The following EP400 variants were observed in gnomAD, a reference collection of about 807,000 sequenced individuals.
EP400 encodes E1A-binding protein p400.
In EP400, 105 loss-of-function variants were observed where a neutral mutation model predicts 354.1. The observed-to-expected ratio is 0.30, with a 90% CI of 0.25 to 0.35. EP400 has a LOEUF of 0.35. Ranked by LOEUF, EP400 falls within the 10% of genes least tolerant of loss-of-function variation. The probability of loss-of-function intolerance (pLI) is 1.00; values close to 1 mark genes in which losing one functional copy is unlikely to be tolerated. For synonymous variants in EP400, 1,646 were observed against 1,716.9 expected (o/e 0.96, Z 1.02); for missense variants, 3,280 against 4,121.0 (o/e 0.80, Z 5.59).
chr12:132,069,485 C>T lies in EP400; in HGVS notation c.8875-10C>T. The T allele has an allele frequency of 1.2e-6, 2 of 1,613,396 alleles. No homozygotes were observed. The highest frequency in any genetic ancestry group is 1.7e-6 in the Non-Finnish European group (2 of 1,179,456). ...GTCTCTGCGGCCCTAATTTCGCAGTCTCTCCCCAGATCACCGCACAGCAGA... is the reference window on the plus strand; with the variant it reads ...GTCTCTGCGGCCCTAATTTCGCAGTTTCTCCCCAGATCACCGCACAGCAGA... On this transcript the variant is annotated splice_polypyrimidine_tract_variant and intron_variant, in intron 50 of 52. Transcript: ENST00000389561.
intron 22 of EP400, among the ~76,000 whole-genome samples, chr12:132,020,507 G>C (rs565462836): frequency 6.6e-6 from 1 of 152,208 alleles, no homozygotes; most frequent in African/African-American, 2.4e-5. Context: ...AGGTGCGTGC[G>C]TGCAGTCGTC....
chr12:132,026,486 G>C (rs1894308268), intron 25 of EP400, among the ~76,000 whole-genome samples: 1 of 152,210 alleles, frequency 6.6e-6, no homozygotes, highest in African/African-American at 2.4e-5. Flanking sequence ...TGCAAGGCTG[G>C]AGTGGGGAGG....
chr12:131,957,161 A>G (rs976360585), intron 1 of EP400, among the ~76,000 whole-genome samples: 1 of 152,036 alleles, frequency 6.6e-6, no homozygotes, highest in Non-Finnish European at 1.5e-5. Context: ...ATGAGCCACT[A>G]TGCCCAGCCT....
chr12:131,962,505 A>T (rs1280917847), intron 2 of EP400, among the ~76,000 whole-genome samples: 1 of 152,260 alleles, frequency 6.6e-6, no homozygotes, highest in African/African-American at 2.4e-5. Flanking sequence ...GACCTTCATC[A>T]TTAAAATAGT....
chr12:132,053,396 G>A lies in EP400; in HGVS notation c.7527G>A (p.Pro2509=), dbSNP rs749284192. ...AQQPAVAQPP[P]PQPQPPPPPQ... is the part of the protein sequence containing the mutation. ...AGCCGGCCGTGGCCCAGCCACCCCC[G>A]CCCCAGCCGCAGCCCCCACCACCCC... Residue 2509 remains proline (P), a synonymous_variant, in exon 43 of 53, where the codon CCG becomes CCA. Coordinates refer to ENST00000389561, the MANE Select transcript of EP400 (RefSeq NM_015409.5). 2.5e-5 allele frequency: 14 copies of A among 568,764 alleles called. No homozygotes were observed. The highest frequency in any genetic ancestry group is 5.3e-5 in the East Asian group (1 of 18,998). The allele number at this position is 568,764 out of a possible 1,614,324, so 35.2% of individuals were successfully genotyped here.
Position 131,960,675 on chromosome 12 carries a change from C to A in EP400, c.56C>A (p.Ala19Asp). 1 of 1,585,236 alleles carries A rather than the reference C, an allele frequency of 6.3e-7. No individual in the cohort carries two copies. Among genetic ancestry groups the A allele is most frequent in the Non-Finnish European group, 8.6e-7 (1 of 1,167,082 alleles). Residue 19 changes from alanine (A) to aspartate (D), a missense_variant, in exon 2 of 53, where the codon GCC becomes GAC. Around this residue, in one of 20 missense-constraint regions of EP400, gnomAD observed 172 missense variants for 242.9 expected, o/e 0.71. Coordinates refer to ENST00000389561, the MANE Select transcript of EP400 (RefSeq NM_015409.5). ...NVQHQLQRSR[A>D]CPGSEGEEQP... Reference sequence around the variant, plus strand: ...CAGCATCAGCTGCAGAGGTCCAGGGCCTGCCCTGGCAGCGAGGGTGAGGAG... The same window carrying A: ...CAGCATCAGCTGCAGAGGTCCAGGGACTGCCCTGGCAGCGAGGGTGAGGAG...
rs1281334888 is a variant in EP400, at chr12:132,025,798, C to T, written c.5008C>T (p.Pro1670Ser). The change falls in exon 25 of 53, where the codon CCA (proline) becomes TCA (serine). Residue 1670 changes from proline to serine, a missense_variant. Around this residue, in one of 20 missense-constraint regions of EP400, gnomAD observed 459 missense variants for 496.9 expected, o/e 0.92. Transcript: ENST00000389561. The surrounding 1 kb of genome is among the most constrained non-coding windows in gnomAD (Gnocchi z 4.1). ...AGGPSPAPLTPQVGVPGRVAV... is the reference protein window; with the variant it reads ...AGGPSPAPLTSQVGVPGRVAV... The stretch of plus-strand genomic sequence containing the variant: ...CGGTCCCAGCCCTGCACCCTTGACC[C>T]CACAAGGTAGGGTGCTCTGAGCAGG... The T allele has an allele frequency of 1.2e-6, 2 of 1,600,132 alleles. No homozygotes were observed. The highest frequency in any genetic ancestry group is 1.1e-5 in the South Asian group (1 of 89,312).
chr12:131,975,392 T>G (rs1282946131), intron 2 of EP400, among the ~76,000 whole-genome samples: 1 of 152,182 alleles, frequency 6.6e-6, no homozygotes, highest in Admixed American at 6.5e-5. Flanking sequence ...TGGGTCTGAT[T>G]CTTGGTGCGC....
rs752037161 is a variant in EP400, at chr12:132,028,052, T to C, written c.5145T>C (p.Asp1715=). The change falls in exon 27 of 53, where the codon GAT becomes GAC. Residue 1715 remains aspartate, a synonymous_variant. Transcript: ENST00000389561. ...EKTRLLKERL[D]QIYLVNERRC... ...CCAGACTCTTGAAAGAGCGCCTGGA[T>C]CAGATTTATTTAGTCAACGAGCGGC... 2 of 1,614,094 alleles carry C rather than the reference T, an allele frequency of 1.2e-6. No individual in the cohort carries two copies. Among genetic ancestry groups the C allele is most frequent in the Non-Finnish European group, 1.7e-6 (2 of 1,179,964 alleles).
chr12:131,974,191 A>G (rs538020605), intron 2 of EP400, among the ~76,000 whole-genome samples: 15 of 152,074 alleles, frequency 9.9e-5, no homozygotes, highest in African/African-American at 3.1e-4. Flanking sequence ...GTTGGCCAGC[A>G]TGGTCTCGAA....
rs769627524 is a variant in EP400, at chr12:132,027,967, C to G, written c.5110-50C>G. 2 of 1,589,024 alleles carry G rather than the reference C, an allele frequency of 1.3e-6. No homozygotes were observed. The highest frequency in any genetic ancestry group is 3.4e-5 in the Admixed American group (2 of 58,830). Reference sequence around the variant, plus strand: ...GGTGGGGGGTTGGTGAAGACAGGAACTTGTCATTCTGTTTCTCAAGTAACT... The same window carrying G: ...GGTGGGGGGTTGGTGAAGACAGGAAGTTGTCATTCTGTTTCTCAAGTAACT... On this transcript the variant is annotated intron_variant, in intron 26 of 52. Coordinates refer to ENST00000389561, the MANE Select transcript of EP400 (RefSeq NM_015409.5). The surrounding 1 kb of genome is among the most constrained non-coding windows in gnomAD (Gnocchi z 4.9).
At chr12:131,953,516 A>G (rs1891591249) in intron 1 of EP400, among the ~76,000 whole-genome samples, 1 of 152,238 alleles carries the variant, frequency 6.6e-6, no homozygotes, top group Admixed American at 6.5e-5. Context: ...CTGTTGATCC[A>G]CCATTACAGC....
intron 51 of EP400, 200 bp from the exon 52 acceptor site, chr12:132,076,316 G>C: frequency 1.5e-6 from 1 of 682,478 alleles, no homozygotes; most frequent in Non-Finnish European, 2.7e-6. Flanking sequence ...GCAAATTGGG[G>C]AGGCAGTCAG....
At position 131,994,467 on chromosome 12, in the gene EP400, G is replaced by A. The variant is rs755195835; in HGVS notation, c.2738-400G>A. The stretch of plus-strand genomic sequence containing the variant: ...GGAGTGGGCTTGGGTTGGTGATTGT[G>A]GAGGACAGGAGAGTCAAGGAGAGTG... On this transcript the variant is annotated intron_variant, in intron 11 of 52. Transcript: ENST00000389561. The surrounding 1 kb of genome is among the most constrained non-coding windows in gnomAD (Gnocchi z 4.6). Among the ~76,000 whole-genome samples, 1 of 152,110 alleles carries A rather than the reference G, an allele frequency of 6.6e-6. No homozygotes were observed. The highest frequency in any genetic ancestry group is 1.5e-5 in the Non-Finnish European group (1 of 68,010).
intron 2 of EP400, among the ~76,000 whole-genome samples, chr12:131,973,478 C>A (rs765702414): frequency 6.6e-6 from 1 of 152,138 alleles, no homozygotes; most frequent in South Asian, 2.1e-4. Context: ...CCCATCTCTA[C>A]CAAAAATACC....
In EP400 at chr12:131,994,108, AGGCAGCACCTGGAG is replaced by A. The variant is rs1249744933; in HGVS notation, c.2738-757_2738-744del. Among the ~76,000 whole-genome samples, 1 of 151,996 alleles carries A rather than the reference AGGCAGCACCTGGAG, an allele frequency of 6.6e-6. No homozygotes were observed. Among genetic ancestry groups the A allele is most frequent in the Non-Finnish European group, 1.5e-5 (1 of 68,012 alleles). ...CCAGGGTGTCGAGTACAGTCAGGAA[AGGCAGCACCTGGAG>A]GCCCAGCGACTTGTGTGGTTGGGGT... is the stretch of plus-strand genomic sequence containing the variant. On this transcript the variant is annotated intron_variant, in intron 11 of 52. Transcript: ENST00000389561. This position sits in a 1 kb window ranked among gnomAD's most constrained non-coding sequence, Gnocchi z 4.6.
In EP400 at chr12:132,029,848, C is replaced by G. The variant is rs756670852; in HGVS notation, c.5529C>G (p.Thr1843=). Reference sequence around the variant, plus strand: ...CGTACTTCCAGCAGCTGCGGCAGACCACGGCTCCACGCCTGCTGCAGTTCC... The same window carrying G: ...CGTACTTCCAGCAGCTGCGGCAGACGACGGCTCCACGCCTGCTGCAGTTCC... ...AAPYFQQLRQ[T]TAPRLLQFPE... The change falls in exon 28 of 53, where the codon ACC becomes ACG. Residue 1843 remains threonine, a synonymous_variant. Transcript: ENST00000389561. The surrounding 1 kb of genome is among the most constrained non-coding windows in gnomAD (Gnocchi z 4.7). 6.2e-7 allele frequency: 1 copy of G among 1,612,838 alleles called. No individual in the cohort carries two copies. Among genetic ancestry groups the G allele is most frequent in the East Asian group, 2.2e-5 (1 of 44,878 alleles).
In EP400 at chr12:132,067,626, G is replaced by T; in HGVS notation, c.8874+140G>T. The T allele has an allele frequency of 3.3e-6, 4 of 1,213,432 alleles. No individual in the cohort carries two copies. 75.2% of individuals were successfully genotyped at this position (1,213,432 alleles called of 1,614,324 possible). ...GTGGCTTCAAGGGCTGGAGGTGCTA[G>T]TGTGGTCATCCCTGTTGGTTTTTCC... On this transcript the variant is annotated intron_variant, in intron 50 of 52. Coordinates refer to ENST00000389561, the MANE Select transcript of EP400 (RefSeq NM_015409.5). The surrounding 1 kb of genome is among the most constrained non-coding windows in gnomAD (Gnocchi z 5.3).
intron 19 of EP400, 100 bp downstream of exon 19, chr12:132,014,013 A>G (rs760418431): frequency 8.4e-5 from 127 of 1,514,306 alleles, no homozygotes; most frequent in Middle Eastern, 3.6e-4. Context: ...TTCCGCAAGG[A>G]TTGGGTGTCT....
Sources: allele counts gnomAD v4.1 joint callset (sites outside exome capture counted in the v4.1 genomes callset), GRCh38; gene constraint gnomAD v4.1.1; regional missense constraint gnomAD v4.1.1; non-coding constraint Gnocchi (gnomAD v3.1); transcripts MANE v1.5; gene names NCBI Gene and HGNC (gene_info 2026-07-23, HGNC 2026-07-21).